The following THSD7B variants were observed in gnomAD, a reference collection of about 807,000 sequenced individuals.
THSD7B encodes the protein thrombospondin type-1 domain-containing protein 7B.
THSD7B carries 138 observed loss-of-function variants against 213.6 expected under a neutral mutation model. The observed-to-expected ratio is 0.65, with a 90% confidence interval of 0.56 to 0.74. The LOEUF is 0.74. Among genes scored for constraint, THSD7B ranks in the 30% least tolerant of loss-of-function variants. THSD7B has a pLI of 0.00. For synonymous variants in THSD7B, 742 were observed against 687.0 expected (o/e 1.08, Z -1.25); for missense variants, 1,931 against 1,991.5 (o/e 0.97, Z 0.58).
intron 1 of THSD7B, among the ~76,000 whole-genome samples, chr2:136,864,399 C>G (rs1558830447): frequency 6.6e-6 from 1 of 152,142 alleles, no homozygotes; most frequent in Non-Finnish European, 1.5e-5. Flanking sequence ...AGAATAAAAT[C>G]TCTCATATTT....
At chr2:137,222,043 G>A (rs1681382999) in intron 7 of THSD7B, among the ~76,000 whole-genome samples, 1 of 152,168 alleles carries the variant, frequency 6.6e-6, no homozygotes, top group African/African-American at 2.4e-5. Flanking sequence ...ATTAGGATGA[G>A]TAAGAGACAT....
chr2:136,904,307 A>G (rs1220757262), intron 2 of THSD7B, among the ~76,000 whole-genome samples: 3 of 152,214 alleles, frequency 2.0e-5, no homozygotes, highest in East Asian at 1.9e-4. Context: ...TGAGTCATCC[A>G]GTCATCCTGA....
At chr2:137,422,572 A>T (rs915745302) in intron 14 of THSD7B, among the ~76,000 whole-genome samples, 3 of 152,140 alleles carry the variant, frequency 2.0e-5, no homozygotes, top group African/African-American at 7.2e-5. Context: ...TTATACTTTT[A>T]AAAAAATCAA....
chr2:137,549,316 T>A (rs1268725896), intron 15 of THSD7B, among the ~76,000 whole-genome samples: 53 of 144,694 alleles, frequency 3.7e-4, no homozygotes, highest in African/African-American at 1.3e-3. Context: ...TGCTCTTTTT[T>A]TTTTTTTTTT....
chr2:137,546,444 T>TA (rs1491149455), intron 15 of THSD7B, among the ~76,000 whole-genome samples: 15 of 28,368 alleles, frequency 5.3e-4, no homozygotes, highest in East Asian at 1.7e-3. Context: ...ATTATATATA[T>TA]TATATATATA....
intron 15 of THSD7B, among the ~76,000 whole-genome samples, chr2:137,477,937 A>G (rs904148023): frequency 2.0e-5 from 3 of 151,704 alleles, no homozygotes; most frequent in Non-Finnish European, 2.9e-5. Flanking sequence ...TAAGGTTTCT[A>G]TTGAGGAATA....
At chr2:137,575,423 A>G (rs893992156) in intron 17 of THSD7B, among the ~76,000 whole-genome samples, 1 of 152,018 alleles carries the variant, frequency 6.6e-6, no homozygotes, top group African/African-American at 2.4e-5. Context: ...TGTCACCTCC[A>G]TTACTGAAAC....
chr2:137,293,415 A>G (rs1210274056), intron 12 of THSD7B, among the ~76,000 whole-genome samples: 1 of 152,072 alleles, frequency 6.6e-6, no homozygotes, highest in East Asian at 1.9e-4. Flanking sequence ...CTGAGATTAC[A>G]TGGGTGACCC....
chr2:137,122,743 T>C (rs1688565851), intron 5 of THSD7B, among the ~76,000 whole-genome samples: 1 of 152,124 alleles, frequency 6.6e-6, no homozygotes, highest in Non-Finnish European at 1.5e-5. Flanking sequence ...TCTACCTGCC[T>C]GCTGCCCACT....
At chr2:137,287,166 T>G (rs1180013695) in intron 12 of THSD7B, among the ~76,000 whole-genome samples, 2 of 152,066 alleles carry the variant, frequency 1.3e-5, no homozygotes, top group African/African-American at 4.8e-5. Context: ...CTTTATTGAT[T>G]TATCTAATTA....
chr2:136,950,202 A>C (rs1294242750), intron 2 of THSD7B, among the ~76,000 whole-genome samples: 1 of 152,192 alleles, frequency 6.6e-6, no homozygotes, highest in Non-Finnish European at 1.5e-5. Flanking sequence ...CAGTGAGCCG[A>C]GATTGTGCCA....
intron 14 of THSD7B, among the ~76,000 whole-genome samples, chr2:137,426,410 C>T (rs920517919): frequency 6.6e-6 from 1 of 152,090 alleles, no homozygotes; most frequent in Admixed American, 6.5e-5. Flanking sequence ...GGAGGCACCA[C>T]ACTTCCTGAG....
In THSD7B at chr2:136,871,924, G is replaced by A. The variant is rs1351383476; in HGVS notation, c.-35-10220G>A. 2.0e-5 allele frequency among the ~76,000 whole-genome samples: 3 copies of A among 152,082 alleles called. No homozygotes were observed. In the East Asian group the frequency reaches 5.8e-4, roughly 29 times the overall value. On this transcript the variant is annotated intron_variant, in intron 1 of 27. Coordinates refer to ENST00000409968, the MANE Select transcript of THSD7B (RefSeq NM_001316349.2). The stretch of plus-strand genomic sequence containing the variant: ...TGACACATGAAAAATGACAACAGAT[G>A]CAATTACTCTACTTCTCATGTATTA...
intron 2 of THSD7B, among the ~76,000 whole-genome samples, chr2:136,985,452 T>C (rs1232563922): frequency 6.6e-6 from 1 of 152,164 alleles, no homozygotes; most frequent in Non-Finnish European, 1.5e-5. Flanking sequence ...AGGCCACTGC[T>C]TTGGAGAGTC....
intron 12 of THSD7B, among the ~76,000 whole-genome samples, chr2:137,297,854 G>A (rs1180990376): frequency 1.3e-5 from 2 of 152,094 alleles, no homozygotes; most frequent in African/African-American, 2.4e-5. Flanking sequence ...CTCCAGCCAC[G>A]TGGAACTGTA....
chr2:136,968,034 ATTG>A (rs1462763304), intron 2 of THSD7B, among the ~76,000 whole-genome samples: 2 of 152,014 alleles, frequency 1.3e-5, no homozygotes. Context: ...GGGCATTTGG[ATTG>A]TTTTCATTTT....
intron 2 of THSD7B, among the ~76,000 whole-genome samples, chr2:137,031,147 C>A (rs999854579): frequency 6.6e-6 from 1 of 152,098 alleles, no homozygotes; most frequent in African/African-American, 2.4e-5. Flanking sequence ...AGTTCGAGAC[C>A]AGCCTGGCCA....
At chr2:136,894,342 C>G (rs1683913877) in intron 2 of THSD7B, among the ~76,000 whole-genome samples, 3 of 152,234 alleles carry the variant, frequency 2.0e-5, no homozygotes, top group African/African-American at 7.2e-5. Context: ...ATACTGATGA[C>G]TGTACATGAT....
chr2:136,955,026 A>G (rs1424875242), intron 2 of THSD7B, among the ~76,000 whole-genome samples: 2 of 152,158 alleles, frequency 1.3e-5, no homozygotes, highest in Non-Finnish European at 1.5e-5. Context: ...TTTTATGCCT[A>G]AAGTCGACGT....
Sources: gnomAD v4.1 joint callset for allele counts (sites outside exome capture counted in the v4.1 genomes callset) on GRCh38, gnomAD v4.1.1 for gene constraint, MANE v1.5 for transcripts, NCBI Gene and HGNC (gene_info 2026-07-23, HGNC 2026-07-21) for gene names.